Variants in RUNX1 observed in about 807,000 individuals in gnomAD.
The protein encoded by RUNX1 is runt-related transcription factor 1.
RUNX1 carries 19 observed loss-of-function variants against 42.8 expected under a neutral mutation model. The observed-to-expected ratio is 0.44, with a 90% CI of 0.31 to 0.65. RUNX1 has a LOEUF of 0.65. RUNX1 is among the 30% of genes least tolerant of loss of function. The pLI, the probability that RUNX1 is intolerant of heterozygous loss-of-function variation, is 0.07. For synonymous variants in RUNX1, 271 were observed against 289.4 expected (o/e 0.94, Z 0.64); for missense variants, 528 against 672.0 (o/e 0.79, Z 2.37).
At chr21:34,937,139 A>T (rs1425807653) in intron 2 of RUNX1, among the ~76,000 whole-genome samples, 1 of 152,104 alleles carries the variant, frequency 6.6e-6, no homozygotes, top group Non-Finnish European at 1.5e-5. Flanking sequence ...CACCTAATAA[A>T]GCCTCACTGA....
chr21:34,895,083 A>G (rs1335539768), intron 2 of RUNX1, among the ~76,000 whole-genome samples: 1 of 152,122 alleles, frequency 6.6e-6, no homozygotes, highest in Non-Finnish European at 1.5e-5. Context: ...TAGATCAGAA[A>G]ATATCTTGGA....
At chr21:35,022,355 C>T (rs781556164) in intron 2 of RUNX1, among the ~76,000 whole-genome samples, 1 of 152,186 alleles carries the variant, frequency 6.6e-6, no homozygotes. Context: ...TTCTAGCCTG[C>T]GCCCCGCAGG....
At chr21:34,801,077 C>T (rs1330735464) in intron 7 of RUNX1, among the ~76,000 whole-genome samples, 1 of 151,744 alleles carries the variant, frequency 6.6e-6, no homozygotes, top group Non-Finnish European at 1.5e-5. Flanking sequence ...GTTCAATATC[C>T]CCATGCTACT....
intron 2 of RUNX1, among the ~76,000 whole-genome samples, chr21:34,915,717 T>C (rs996194942): frequency 2.6e-5 from 4 of 152,244 alleles, no homozygotes; most frequent in Admixed American, 1.3e-4. Context: ...AGATCAATGA[T>C]GTTTGGGTGA....
intron 5 of RUNX1, among the ~76,000 whole-genome samples, chr21:34,866,460 C>T (rs1447885616): frequency 6.6e-5 from 10 of 152,114 alleles, no homozygotes; most frequent in Admixed American, 3.9e-4. Flanking sequence ...ATTTTAATTG[C>T]GGATAACTAA....
intron 6 of RUNX1, among the ~76,000 whole-genome samples, chr21:34,854,429 T>TA (rs1201386668): frequency 6.6e-6 from 1 of 151,480 alleles, no homozygotes; most frequent in Non-Finnish European, 1.5e-5. Context: ...TGAAAAAAAT[T>TA]AAAAAATTAG....
chr21:34,875,077 C>A (rs746090561), intron 5 of RUNX1, among the ~76,000 whole-genome samples: 1 of 152,186 alleles, frequency 6.6e-6, no homozygotes, highest in Non-Finnish European at 1.5e-5. Context: ...AGCTGTGTGA[C>A]GCCATCAGCA....
chr21:35,022,119 A>G (rs1250286120), intron 2 of RUNX1, among the ~76,000 whole-genome samples: 1 of 152,214 alleles, frequency 6.6e-6, no homozygotes. Flanking sequence ...AACACGGGCT[A>G]ACATGTAGCT....
rs2056469307 is a variant in RUNX1 at position 34,792,904 on chromosome 21, G to A, written c.968-294C>T. Among the ~76,000 whole-genome samples, 1 of 151,700 alleles carries A rather than the reference G, an allele frequency of 6.6e-6. No individual in the cohort carries two copies. The highest frequency in any genetic ancestry group is 2.4e-5 in the African/African-American group (1 of 41,276). On this transcript the variant is annotated intron_variant, in intron 8 of 8. Coordinates refer to ENST00000675419, the MANE Select transcript of RUNX1 (RefSeq NM_001754.5). The surrounding 1 kb of genome is among the most constrained non-coding windows in gnomAD (Gnocchi z 6.9). Reference sequence around the variant, plus strand: ...CAAGAGGATGGGGACTACCCATGATGCTATGCCCAGGAGGTCGGGGACCAC... The same window carrying A: ...CAAGAGGATGGGGACTACCCATGATACTATGCCCAGGAGGTCGGGGACCAC...
chr21:34,819,288 C>G (rs1454352208), intron 7 of RUNX1, among the ~76,000 whole-genome samples: 2 of 152,170 alleles, frequency 1.3e-5, no homozygotes, highest in African/African-American at 4.8e-5. Context: ...TGAGGCAAGC[C>G]CAGAGCTCGA....
intron 2 of RUNX1, among the ~76,000 whole-genome samples, chr21:34,977,151 T>C (rs1213399534): frequency 6.6e-6 from 1 of 152,242 alleles, no homozygotes; most frequent in Non-Finnish European, 1.5e-5. Flanking sequence ...ATTGTGTGAA[T>C]TTCTGTTTAA....
chr21:34,794,033 G>GA (rs2056489963), intron 8 of RUNX1, among the ~76,000 whole-genome samples: 1 of 151,896 alleles, frequency 6.6e-6, no homozygotes. Context: ...GCCCCTTACA[G>GA]AAAAAAGTTT....
At chr21:34,892,025 T>C (rs1396535816) in intron 3 of RUNX1, among the ~76,000 whole-genome samples, 2 of 152,228 alleles carry the variant, frequency 1.3e-5, no homozygotes, top group African/African-American at 4.8e-5. Flanking sequence ...TGCATAAAGA[T>C]GGGATTAGAA....
chr21:35,037,256 G>T (rs1421396851), intron 2 of RUNX1, among the ~76,000 whole-genome samples: 1 of 152,166 alleles, frequency 6.6e-6, no homozygotes, highest in Non-Finnish European at 1.5e-5. Context: ...TGTCACCATC[G>T]TCTTGGGAAC....
intron 6 of RUNX1, among the ~76,000 whole-genome samples, chr21:34,835,738 CT>C (rs2057136578): frequency 6.6e-6 from 1 of 152,182 alleles, no homozygotes; most frequent in South Asian, 2.1e-4. Flanking sequence ...CCTCTGTTCC[CT>C]ATTGCCAAAT....
At chr21:34,876,142 G>A (rs2057810004) in intron 5 of RUNX1, among the ~76,000 whole-genome samples, 1 of 152,172 alleles carries the variant, frequency 6.6e-6, no homozygotes, top group Non-Finnish European at 1.5e-5. Flanking sequence ...GCCTTACAGG[G>A]CTGGGTGTGG....
At chr21:34,922,679 C>T (rs1432238084) in intron 2 of RUNX1, among the ~76,000 whole-genome samples, 1 of 152,168 alleles carries the variant, frequency 6.6e-6, no homozygotes, top group Non-Finnish European at 1.5e-5. Context: ...CTGCTGGAGT[C>T]CCCCCTGGTG....
intron 6 of RUNX1, chr21:34,856,508 G>A: frequency 2.0e-6 from 1 of 506,874 alleles, no homozygotes; most frequent in Non-Finnish European, 3.9e-6. Flanking sequence ...ATGAACAGAT[G>A]AATGGACAGG....
intron 8 of RUNX1, among the ~76,000 whole-genome samples, chr21:34,799,028 C>G (rs1016252091): frequency 6.6e-6 from 1 of 152,158 alleles, no homozygotes; most frequent in Admixed American, 6.5e-5. Flanking sequence ...TTGTTCTTAA[C>G]CCTTCAGTCA....
Sources: gnomAD v4.1 joint callset for allele counts (sites outside exome capture counted in the v4.1 genomes callset) on GRCh38, gnomAD v4.1.1 for gene constraint, Gnocchi (gnomAD v3.1) non-coding constraint, MANE v1.5 for transcripts, NCBI Gene and HGNC (gene_info 2026-07-23, HGNC 2026-07-21) for gene names.